Variants in CAMSAP1 observed in about 807,000 individuals in gnomAD.
CAMSAP1 encodes the protein calmodulin-regulated spectrin-associated protein 1.
CAMSAP1 carries 58 observed loss-of-function variants against 143.5 expected under a neutral mutation model. The observed-to-expected ratio is 0.40, with a 90% CI of 0.33 to 0.50. CAMSAP1 has a LOEUF of 0.50. Among genes scored for constraint, CAMSAP1 ranks in the 20% least tolerant of loss-of-function variants. The pLI is 0.45. For missense variants in CAMSAP1, 1,969 were observed against 2,115.7 expected (o/e 0.93, Z 1.36); for synonymous variants, 945 against 859.3 (o/e 1.10, Z -1.74).
rs571407576 is a variant in CAMSAP1, at chr9:135,849,952, A to C, written c.1045+185T>G. On this transcript the variant is annotated intron_variant, in intron 7 of 16. Coordinates refer to ENST00000389532, the MANE Select transcript of CAMSAP1 (RefSeq NM_015447.4). The stretch of plus-strand genomic sequence containing the variant: ...TTTTAGAGCTGTGATTCGTAACCGA[A>C]TAGTTCATCAAAATCACTTAGAAAG... The C allele has an allele frequency of 1.6e-5, 8 of 494,514 alleles. No homozygotes were observed. The East Asian group carries it at 1.9e-4, about 12-fold the overall frequency. The allele number at this position is 494,514 out of a possible 1,614,324, so 30.6% of individuals were successfully genotyped here.
chr9:135,863,130 C>T lies in CAMSAP1; in HGVS notation c.667-522G>A, dbSNP rs578041799. On this transcript the variant is annotated intron_variant, in intron 4 of 16. Transcript: ENST00000389532. Reference sequence around the variant, plus strand: ...TCAGAAGCCAGGTTAGACAAAATTTCTCATAACACAACCACCACCACTCTA... The same window carrying T: ...TCAGAAGCCAGGTTAGACAAAATTTTTCATAACACAACCACCACCACTCTA... Among the ~76,000 whole-genome samples the T allele has an allele frequency of 2.6e-5, 4 of 152,304 alleles. No homozygotes were observed. In the East Asian group the frequency reaches 7.7e-4, roughly 29 times the overall value.
In CAMSAP1 at chr9:135,882,625, T is replaced by C. The variant is rs1283175152; in HGVS notation, c.423+191A>G. 6.6e-6 allele frequency among the ~76,000 whole-genome samples: 1 copy of C among 152,202 alleles called. No individual in the cohort carries two copies. The highest frequency in any genetic ancestry group is 1.5e-5 in the Non-Finnish European group (1 of 68,032). On this transcript the variant is annotated intron_variant, in intron 2 of 16. Transcript: ENST00000389532. This position sits in a 1 kb window ranked among gnomAD's most constrained non-coding sequence, Gnocchi z 4.9. ...AAAGAGCTCAATGAAAGCTCTCTTT[T>C]CCCCATTCTCCACAACAGTCATGTG... is the stretch of plus-strand genomic sequence containing the variant.
At chr9:135,893,817 T>G (rs1238642238) in intron 1 of CAMSAP1, among the ~76,000 whole-genome samples, 1 of 152,104 alleles carries the variant, frequency 6.6e-6, no homozygotes, top group Admixed American at 6.5e-5. Context: ...CAGAAGGAAT[T>G]TCTGGCCAGG....
intron 1 of CAMSAP1, among the ~76,000 whole-genome samples, chr9:135,893,994 C>T (rs578179746): frequency 2.3e-4 from 35 of 152,258 alleles, no homozygotes; most frequent in African/African-American, 6.5e-4. Context: ...GGTGTTCTTA[C>T]GACCCCCCAC....
intron 14 of CAMSAP1, 132 bp downstream of exon 14, chr9:135,817,845 A>G: frequency 1.4e-6 from 1 of 734,226 alleles, no homozygotes; most frequent in South Asian, 1.8e-5. Flanking sequence ...GATTGCAACT[A>G]TTCTGTAAAT....
At position 135,820,443 on chromosome 9, in the gene CAMSAP1, CCCACAGG is replaced by C. The variant is rs1250562828; in HGVS notation, c.3822+389_3822+395del. 1.3e-5 allele frequency among the ~76,000 whole-genome samples: 2 copies of C among 152,134 alleles called. No individual in the cohort carries two copies. Among genetic ancestry groups the C allele is most frequent in the Non-Finnish European group, 2.9e-5 (2 of 68,030 alleles). On this transcript the variant is annotated intron_variant, in intron 11 of 16. Transcript: ENST00000389532. The surrounding 1 kb of genome is among the most constrained non-coding windows in gnomAD (Gnocchi z 4.4). ...TATATCAGAGGTTGGCAAACTTCAG[CCCACAGG>C]CCAGGCCTGGCCACCTCCAGAGCAT...
intron 1 of CAMSAP1, among the ~76,000 whole-genome samples, chr9:135,883,852 A>G (rs1251598552): frequency 6.6e-6 from 1 of 152,186 alleles, no homozygotes; most frequent in African/African-American, 2.4e-5. Context: ...ACCAGCCTGA[A>G]CCCACACAAT....
Position 135,882,826 on chromosome 9 carries a change from G to T in CAMSAP1, c.413C>A (p.Pro138His). ...CCGCAGACCACTCACCATTTTTATG[G>T]GTGCGCGACTGAGGTCGGACTCTGT... The part of the protein sequence containing the change: ...PVTESDLSRA[P>H]IKMSAHMAMV... The change falls in exon 2 of 17, where the codon CCC (proline) becomes CAC (histidine). Residue 138 changes from proline to histidine, a missense_variant. Transcript: ENST00000389532. The surrounding 1 kb of genome is among the most constrained non-coding windows in gnomAD (Gnocchi z 4.9). 6.5e-7 allele frequency: 1 copy of T among 1,549,988 alleles called. No individual in the cohort carries two copies. Among genetic ancestry groups the T allele is most frequent in the Non-Finnish European group, 8.7e-7 (1 of 1,146,408 alleles).
At chr9:135,856,564 A>C (rs963837724) in intron 5 of CAMSAP1, among the ~76,000 whole-genome samples, 2 of 152,102 alleles carry the variant, frequency 1.3e-5, no homozygotes, top group Admixed American at 6.5e-5. Context: ...CTACCCTATG[A>C]CTAAGAGGCT....
chr9:135,848,191 CAGA>C (rs1462565014), intron 7 of CAMSAP1, among the ~76,000 whole-genome samples: 19 of 151,850 alleles, frequency 1.3e-4, no homozygotes. Context: ...ATAGTTACCA[CAGA>C]AGAAGAGTTG....
intron 5 of CAMSAP1, 90 bp from the exon 6 acceptor site, chr9:135,850,551 T>C (rs1299619022): frequency 2.0e-6 from 2 of 1,005,594 alleles, no homozygotes; most frequent in East Asian, 2.6e-5. Context: ...CCATTTTACA[T>C]AAAGGTAGTA....
intron 7 of CAMSAP1, among the ~76,000 whole-genome samples, chr9:135,838,283 C>CT (rs1438382897): frequency 4.3e-5 from 6 of 138,342 alleles, no homozygotes; most frequent in Admixed American, 7.2e-5. Context: ...TTTCTACCCA[C>CT]TGTACAGACA....
chr9:135,828,752 G>A lies in CAMSAP1; in HGVS notation c.1046-1168C>T, dbSNP rs1835760319. 1.3e-5 allele frequency among the ~76,000 whole-genome samples: 2 copies of A among 152,264 alleles called. 1 individual carries two copies. Among genetic ancestry groups the A allele is most frequent in the South Asian group, 4.1e-4 (2 of 4,822 alleles). On this transcript the variant is annotated intron_variant, in intron 7 of 16. Transcript: ENST00000389532. ...TCTCAAGATGACATGTGCTCCCCCA[G>A]GCACATTATAATCAAATTGTCAAAG...
rs565354422 is a variant in CAMSAP1 at position 135,859,393 on chromosome 9, T to TTTTG, written c.808+3070_808+3073dup. Among the ~76,000 whole-genome samples, 10 of 152,280 alleles carry TTTTG rather than the reference T, an allele frequency of 6.6e-5. 1 individual carries two copies. The highest frequency in any genetic ancestry group is 1.0e-4 in the Non-Finnish European group (7 of 68,022). On this transcript the variant is annotated intron_variant, in intron 5 of 16. Transcript: ENST00000389532. Reference sequence around the variant, plus strand: ...TCCATTTCTCCTTGTAACTCTGCCATTTTGTTTGTTTGTTTGTTTGAGACA... The same window carrying TTTTG: ...TCCATTTCTCCTTGTAACTCTGCCATTTTGTTTGTTTGTTTGTTTGTTTGAGACA...
At chr9:135,839,542 C>T (rs1222046117) in intron 7 of CAMSAP1, among the ~76,000 whole-genome samples, 2 of 152,128 alleles carry the variant, frequency 1.3e-5, no homozygotes, top group South Asian at 2.1e-4. Flanking sequence ...TGCAAGATCC[C>T]GGGACTGTAG....
chr9:135,809,425 G>A lies in CAMSAP1; in HGVS notation c.*1884C>T, dbSNP rs1185035504. On this transcript the variant is annotated 3_prime_UTR_variant, in exon 17 of 17. Transcript: ENST00000389532. Reference sequence around the variant, plus strand: ...TGGGAATGCAATTTTCCAGCTCTATGCCAGATATTTTCTAGCTCTTCATTA... The same window carrying A: ...TGGGAATGCAATTTTCCAGCTCTATACCAGATATTTTCTAGCTCTTCATTA... The A allele has an allele frequency of 6.6e-6, 1 of 152,174 alleles. No individual in the cohort carries two copies. The highest frequency in any genetic ancestry group is 2.4e-5 in the African/African-American group (1 of 41,432). The allele number at this position is 152,174 out of a possible 1,614,324, so 9.4% of individuals were successfully genotyped here. A position where few individuals can be genotyped will look rare whatever the true frequency, so the allele number is the denominator to read the frequency against.
intron 14 of CAMSAP1, 137 bp from the exon 15 acceptor site, chr9:135,816,142 G>A (rs992706148): frequency 4.1e-5 from 29 of 701,762 alleles, no homozygotes; most frequent in Middle Eastern, 3.7e-4. Context: ...GTGGGGGCTC[G>A]AGTTGCCACA....
chr9:135,868,520 G>GA (rs1837460815), intron 3 of CAMSAP1, among the ~76,000 whole-genome samples: 1 of 146,870 alleles, frequency 6.8e-6, no homozygotes, highest in African/African-American at 2.5e-5. Context: ...TTGAATTTCA[G>GA]AAAAAATTTA....
intron 16 of CAMSAP1, among the ~76,000 whole-genome samples, chr9:135,812,160 T>C (rs926006038): frequency 6.6e-6 from 1 of 152,186 alleles, no homozygotes; most frequent in African/African-American, 2.4e-5. Context: ...ATAACAGCAC[T>C]ATCCCTTCAC....
Sources: gnomAD v4.1 joint callset for allele counts (sites outside exome capture counted in the v4.1 genomes callset) on GRCh38, gnomAD v4.1.1 for gene constraint, Gnocchi (gnomAD v3.1) non-coding constraint, MANE v1.5 for transcripts, NCBI Gene and HGNC (gene_info 2026-07-23, HGNC 2026-07-21) for gene names.